Variants in GCKR observed in about 807,000 individuals in gnomAD.
The protein encoded by GCKR is glucokinase regulator.
A neutral mutation model predicts 82.9 loss-of-function variants in GCKR; 73 were observed. The ratio of observed to expected loss-of-function variants is 0.88; its 90% CI spans 0.73 to 1.07. The LOEUF is 1.07. Ranked by LOEUF, GCKR falls within the 50% of genes least tolerant of loss-of-function variation. GCKR has a pLI of 0.00. For synonymous variants in GCKR, 294 were observed against 291.8 expected (o/e 1.01, Z -0.08); for missense variants, 784 against 782.1 (o/e 1.00, Z -0.03).
Position 27,505,718 on chromosome 2 carries a change from C to T in GCKR, c.751C>T (p.Pro251Ser), listed in dbSNP as rs745945801. Residue 251 changes from proline (P) to serine (S), a missense_variant and splice_region_variant, in exon 10 of 19, where the codon CCC (proline) becomes TCC (serine). Physicochemically the swap from Pro to Ser is moderately conservative, Grantham distance 74 (BLOSUM62 -1). Coordinates refer to ENST00000264717, the MANE Select transcript of GCKR (RefSeq NM_001486.4). Reference sequence around the variant, plus strand: ...CTCTTGGGTGTCTTCACCTCTTCAGCCCGAGGGTCTCAGCGGCTCCTCCCG... The same window carrying T: ...CTCTTGGGTGTCTTCACCTCTTCAGTCCGAGGGTCTCAGCGGCTCCTCCCG... Reference protein sequence around the residue: ...KAFVLNPAIGPEGLSGSSRMK... With the variant: ...KAFVLNPAIGSEGLSGSSRMK... 8 of 1,577,302 alleles carry T rather than the reference C, an allele frequency of 5.1e-6. No individual in the cohort carries two copies. The highest frequency in any genetic ancestry group is 1.7e-5 in the Admixed American group (1 of 59,936).
intron 14 of GCKR, 79 bp from the exon 15 acceptor site, chr2:27,507,898 G>C: frequency 8.3e-7 from 1 of 1,200,132 alleles, no homozygotes. Flanking sequence ...TGAATATCCT[G>C]ACTGGACCCC....
At chr2:27,508,282 T>A in intron 16 of GCKR, 31 bp downstream of exon 16, 1 of 1,324,986 alleles carries the variant, frequency 7.5e-7, no homozygotes, top group Non-Finnish European at 1.1e-6. Context: ...CTATCTGCAG[T>A]AAGGGGCTCA....
intron 3 of GCKR, 21 bp from the exon 4 acceptor site, chr2:27,498,234 T>A: frequency 6.3e-7 from 1 of 1,592,722 alleles, no homozygotes; most frequent in Non-Finnish European, 8.6e-7. Flanking sequence ...CCTGGTAATA[T>A]ATGCCTCTTT....
Position 27,523,526 on chromosome 2 carries a change from T to A in GCKR, c.*87T>A. On this transcript the variant is annotated 3_prime_UTR_variant, in exon 19 of 19. Transcript: ENST00000264717. ...AGGGGACTTGTGCCAGCAGAACATG[T>A]GGGAGGAAGAAGCCCCGTTTCCAGG... 7.3e-7 allele frequency: 1 copy of A among 1,372,296 alleles called. No individual in the cohort carries two copies. Among genetic ancestry groups the A allele is most frequent in the Non-Finnish European group, 1.0e-6 (1 of 976,466 alleles). 85.0% of individuals were successfully genotyped at this position (1,372,296 alleles called of 1,614,324 possible).
Position 27,523,634 on chromosome 2 carries a change from C to T in GCKR, c.*195C>T. 1 of 606,588 alleles carries T rather than the reference C, an allele frequency of 1.6e-6. No individual in the cohort carries two copies. Among genetic ancestry groups the T allele is most frequent in the Non-Finnish European group, 2.9e-6 (1 of 341,410 alleles). The allele number at this position is 606,588 out of a possible 1,614,324, so 37.6% of individuals were successfully genotyped here. ...CTCTCGACCTAGTGGTTTCTACTCT[C>T]ACCGACTTATTCTGATTTCAGAAAT... is the stretch of plus-strand genomic sequence containing the variant. On this transcript the variant is annotated 3_prime_UTR_variant, in exon 19 of 19. Transcript: ENST00000264717.
intron 8 of GCKR, 149 bp from the exon 9 acceptor site, chr2:27,503,365 C>A: frequency 1.4e-6 from 1 of 694,904 alleles, no homozygotes; most frequent in South Asian, 1.5e-5. Context: ...GGACACAGTG[C>A]CTCTAAAAGT....
In GCKR at chr2:27,517,053, G is replaced by A. The variant is rs1004256343; in HGVS notation, c.1423-1735G>A. On this transcript the variant is annotated intron_variant, in intron 16 of 18. Transcript: ENST00000264717. ...TTTTAATATGGAGTCTCATTCTGTC[G>A]CCAGGCTGGAGTGCAGTGGCGTGAT... is the stretch of plus-strand genomic sequence containing the variant. 1.3e-4 allele frequency among the ~76,000 whole-genome samples: 19 copies of A among 143,314 alleles called. No individual in the cohort carries two copies. In the East Asian group the frequency reaches 3.7e-3, roughly 28 times the overall value. 94.0% of individuals were successfully genotyped at this position (143,314 alleles called of 152,430 possible).
chr2:27,503,403 T>G, intron 8 of GCKR, 111 bp from the exon 9 acceptor site: 1 of 727,234 alleles, frequency 1.4e-6, no homozygotes, highest in Non-Finnish European at 2.5e-6. Context: ...TATGAAGTTG[T>G]TGACCTCTGA....
chr2:27,523,144 C>T, intron 18 of GCKR, 125 bp from the exon 19 acceptor site: 1 of 763,628 alleles, frequency 1.3e-6, no homozygotes, highest in Admixed American at 2.0e-5. Context: ...AGTGATCTGC[C>T]CACCTCGGCC....
chr2:27,510,331 A>T (rs1028983852), intron 16 of GCKR, among the ~76,000 whole-genome samples: 1 of 152,172 alleles, frequency 6.6e-6, no homozygotes, highest in East Asian at 1.9e-4. Context: ...TTTAGTGTCA[A>T]TGTAATATTC....
chr2:27,498,684 C>T, intron 4 of GCKR, 40 bp from the exon 5 acceptor site: 2 of 1,223,676 alleles, frequency 1.6e-6, no homozygotes, highest in Non-Finnish European at 2.4e-6. Context: ...ATTGTTTCTT[C>T]TCTGTCATTA....
chr2:27,499,394 T>C lies in GCKR; in HGVS notation c.496-3T>C. ...CACTACCTTGTCCATCCTCCTCTCCTAGGTGGCTGCCGGGAAGAAGAGAGT... is the reference window on the plus strand; with the variant it reads ...CACTACCTTGTCCATCCTCCTCTCCCAGGTGGCTGCCGGGAAGAAGAGAGT... On this transcript the variant is annotated splice_region_variant and splice_polypyrimidine_tract_variant and intron_variant, in intron 6 of 18. Transcript: ENST00000264717. The C allele has an allele frequency of 6.2e-7, 1 of 1,609,348 alleles. No homozygotes were observed. The highest frequency in any genetic ancestry group is 1.3e-5 in the African/African-American group (1 of 74,992).
chr2:27,498,381 A>G, intron 4 of GCKR, 58 bp downstream of exon 4: 1 of 1,318,134 alleles, frequency 7.6e-7, no homozygotes, highest in Non-Finnish European at 1.1e-6. Flanking sequence ...GACCCTCAGG[A>G]CCATAAAGAT....
intron 16 of GCKR, among the ~76,000 whole-genome samples, chr2:27,511,276 C>G (rs1395940314): frequency 6.6e-6 from 1 of 152,072 alleles, no homozygotes; most frequent in Non-Finnish European, 1.5e-5. Flanking sequence ...AATACACCTG[C>G]CTTGGCCTCT....
intron 9 of GCKR, among the ~76,000 whole-genome samples, chr2:27,505,435 CAAAGA>C (rs143813983): frequency 0.012 from 1,729 of 147,814 alleles, 34 homozygotes; most frequent in African/African-American, 0.041. Flanking sequence ...AAAAAGAAAA[CAAAGA>C]AAAGAAAAGC....
intron 8 of GCKR, among the ~76,000 whole-genome samples, chr2:27,502,591 C>T (rs1669612398): frequency 6.6e-6 from 1 of 152,172 alleles, no homozygotes; most frequent in Admixed American, 6.5e-5. Context: ...TATGAACCCT[C>T]TCTGCTTTAG....
chr2:27,506,034 T>G (rs1669731895), intron 10 of GCKR, among the ~76,000 whole-genome samples, 198 bp downstream of exon 10: 1 of 152,170 alleles, frequency 6.6e-6, no homozygotes, highest in African/African-American at 2.4e-5. Context: ...TTGTTTCCAG[T>G]GGATCCTGGA....
chr2:27,501,148 C>T lies in GCKR; in HGVS notation c.563C>T (p.Ala188Val), dbSNP rs1438214079. The T allele has an allele frequency of 6.2e-7, 1 of 1,612,906 alleles. No homozygotes were observed. The highest frequency in any genetic ancestry group is 1.3e-5 in the African/African-American group (1 of 74,912). The part of the protein sequence containing the change: ...ISVGLSAPFV[A>V]GQMDCCMNNT... The stretch of plus-strand genomic sequence containing the variant: ...CTTCACCATCAGGCTCCCTTTGTGG[C>T]AGGCCAGATGGACTGCTGCATGAAC... Residue 188 changes from alanine to valine, a missense_variant, in exon 8 of 19, where the codon GCA becomes GTA. Physicochemically the swap from Ala to Val is moderately conservative, Grantham distance 64. Coordinates refer to ENST00000264717, the MANE Select transcript of GCKR (RefSeq NM_001486.4).
chr2:27,509,988 C>T (rs1351228856), intron 16 of GCKR, among the ~76,000 whole-genome samples: 5 of 151,276 alleles, frequency 3.3e-5, no homozygotes, highest in Non-Finnish European at 7.4e-5. Flanking sequence ...GGGACATGTT[C>T]TCATCTGATA....
Sources: allele counts gnomAD v4.1 joint callset (sites outside exome capture counted in the v4.1 genomes callset), GRCh38; gene constraint gnomAD v4.1.1; transcripts MANE v1.5; gene names NCBI Gene and HGNC (gene_info 2026-07-23, HGNC 2026-07-21).